Variants in NCALD observed in about 807,000 individuals in gnomAD.
The protein encoded by NCALD is neurocalcin-delta.
NCALD carries 10 observed loss-of-function variants against 18.6 expected under a neutral mutation model. That is an observed-to-expected ratio of 0.54 (90% CI 0.33 to 0.91). The LOEUF is 0.91. NCALD is among the 40% of genes least tolerant of loss of function. The probability of loss-of-function intolerance (pLI) is 0.03; values close to 1 mark genes in which losing one functional copy is unlikely to be tolerated. For missense variants in NCALD, 184 were observed against 247.6 expected, an observed-to-expected ratio of 0.74 and a Z score of 1.72; for synonymous variants, 88 against 87.4, an observed-to-expected ratio of 1.01 and a Z score of -0.04.
intron 4 of NCALD, among the ~76,000 whole-genome samples, chr8:101,880,325 C>CCCAGAACT (rs1816436066): frequency 6.6e-6 from 1 of 152,210 alleles, no homozygotes; most frequent in Non-Finnish European, 1.5e-5. Context: ...CCCACGCCCA[C>CCCAGAACT]CCAGAACTCA....
chr8:101,896,251 A>G (rs995607298), intron 3 of NCALD, among the ~76,000 whole-genome samples: 1 of 152,090 alleles, frequency 6.6e-6, no homozygotes, highest in Non-Finnish European at 1.5e-5. Flanking sequence ...CCTGAGAAAA[A>G]CAAGCAATGG....
chr8:102,082,811 G>A (rs536538491), intron 1 of NCALD, among the ~76,000 whole-genome samples: 5 of 152,258 alleles, frequency 3.3e-5, no homozygotes, highest in East Asian at 1.9e-4. Context: ...CTCCCCCACC[G>A]CAGGGCGCAA....
intron 1 of NCALD, among the ~76,000 whole-genome samples, chr8:102,120,897 T>G (rs1335335617): frequency 1.3e-5 from 2 of 152,364 alleles, no homozygotes; most frequent in Admixed American, 1.3e-4. Context: ...TTTTAACTCA[T>G]GTGCTCTATC....
intron 2 of NCALD, among the ~76,000 whole-genome samples, chr8:101,937,227 GGTTT>G (rs1818796685): frequency 6.6e-6 from 1 of 152,026 alleles, no homozygotes; most frequent in African/African-American, 2.4e-5. Flanking sequence ...AACATGTGAA[GGTTT>G]GTTATATAGG....
intron 2 of NCALD, among the ~76,000 whole-genome samples, chr8:101,989,029 A>G (rs181010783): frequency 8.5e-4 from 129 of 152,282 alleles, no homozygotes; most frequent in African/African-American, 3.0e-3. Context: ...TGGAGTTTTA[A>G]GAATGTCCAT....
chr8:102,100,371 C>A (rs1825236620), intron 1 of NCALD, among the ~76,000 whole-genome samples: 1 of 152,108 alleles, frequency 6.6e-6, no homozygotes, highest in South Asian at 2.1e-4. Context: ...AATCCCACAG[C>A]AACTACTTTT....
chr8:101,941,135 T>C (rs1295069735), intron 2 of NCALD, among the ~76,000 whole-genome samples: 1 of 152,214 alleles, frequency 6.6e-6, no homozygotes, highest in Non-Finnish European at 1.5e-5. Context: ...AAGTAGTCTA[T>C]GTTTCTCTAT....
At chr8:102,030,269 G>T (rs1020241201) in intron 1 of NCALD, among the ~76,000 whole-genome samples, 2 of 152,342 alleles carry the variant, frequency 1.3e-5, no homozygotes, top group South Asian at 4.1e-4. Flanking sequence ...GCCTGAGCTG[G>T]AGAAGTAGTT....
intron 1 of NCALD, among the ~76,000 whole-genome samples, chr8:101,735,483 G>A (rs1481530316): frequency 1.3e-5 from 2 of 152,108 alleles, no homozygotes; most frequent in Admixed American, 1.3e-4. Context: ...CCCCTCTCAG[G>A]TCTGCAGGGC....
intron 2 of NCALD, among the ~76,000 whole-genome samples, chr8:101,965,624 G>A (rs940459545): frequency 3.9e-5 from 6 of 152,086 alleles, no homozygotes; most frequent in African/African-American, 1.4e-4. Flanking sequence ...TGGGGTGGGG[G>A]GCCAGGGGAG....
chr8:101,693,774 CAT>C (rs1814858451), intron 2 of NCALD: 1 of 152,224 alleles, frequency 6.6e-6, no homozygotes, highest in Admixed American at 6.5e-5. Context: ...GTGCATGCCA[CAT>C]GTTTCCCCAG....
chr8:101,844,424 A>T (rs962743138), intron 4 of NCALD, among the ~76,000 whole-genome samples: 2 of 151,662 alleles, frequency 1.3e-5, no homozygotes, highest in Admixed American at 1.3e-4. Context: ...GCAGTGGCAC[A>T]ATCAGCTCAC....
At chr8:102,022,434 C>A (rs1247080708) in intron 1 of NCALD, among the ~76,000 whole-genome samples, 1 of 152,196 alleles carries the variant, frequency 6.6e-6, no homozygotes, top group East Asian at 1.9e-4. Flanking sequence ...CAGATGACTG[C>A]ACTCTCTTGC....
chr8:102,000,774 G>A (rs1821426086), intron 2 of NCALD, among the ~76,000 whole-genome samples: 1 of 152,230 alleles, frequency 6.6e-6, no homozygotes, highest in African/African-American at 2.4e-5. Context: ...AGGGTCTGGA[G>A]TGGACCTCCG....
chr8:102,012,205 T>C (rs997479723), intron 2 of NCALD, among the ~76,000 whole-genome samples: 3 of 152,186 alleles, frequency 2.0e-5, no homozygotes, highest in Non-Finnish European at 4.4e-5. Context: ...CTGCAGGTCA[T>C]CAACCTCATA....
intron 1 of NCALD, among the ~76,000 whole-genome samples, chr8:101,760,516 A>G (rs980340848): frequency 6.6e-6 from 1 of 152,238 alleles, no homozygotes; most frequent in African/African-American, 2.4e-5. Flanking sequence ...AGGTTCCCAG[A>G]GAGCGTCTGG....
chr8:101,934,919 A>T (rs1240620585), intron 2 of NCALD, among the ~76,000 whole-genome samples: 3 of 152,196 alleles, frequency 2.0e-5, no homozygotes, highest in African/African-American at 7.2e-5. Context: ...CTTAGGCAAA[A>T]CTAAAATAAG....
intron 4 of NCALD, chr8:101,871,741 C>A: frequency 9.5e-6 from 2 of 210,456 alleles, no homozygotes; most frequent in South Asian, 1.5e-4. Context: ...AACTAAAAAC[C>A]AGAAGGATTC....
At chr8:101,730,042 G>A (rs1478894842) in intron 1 of NCALD, among the ~76,000 whole-genome samples, 1 of 152,030 alleles carries the variant, frequency 6.6e-6, no homozygotes, top group African/African-American at 2.4e-5. Context: ...TCTTCATTCC[G>A]ATCCGATAGC....
Sources: allele counts gnomAD v4.1 joint callset (sites outside exome capture counted in the v4.1 genomes callset), GRCh38; gene constraint gnomAD v4.1.1; transcripts MANE v1.5; gene names NCBI Gene and HGNC (gene_info 2026-07-23, HGNC 2026-07-21).